MCTP2: variants seen among roughly 807,000 people sequenced by gnomAD.
MCTP2 encodes multiple C2 and transmembrane domain-containing protein 2.
A neutral mutation model predicts 111.6 loss-of-function variants in MCTP2; 132 were observed. That is an observed-to-expected ratio of 1.18 (90% CI 1.03 to 1.37). MCTP2 has a LOEUF of 1.37. MCTP2 is among the 40% of genes most tolerant of loss of function. The pLI is 0.00. For synonymous variants in MCTP2, 395 were observed against 387.7 expected, an observed-to-expected ratio of 1.02 and a Z score of -0.22; for missense variants, 1,183 against 1,067.9, an observed-to-expected ratio of 1.11 and a Z score of -1.50.
intron 9 of MCTP2, 69 bp from the exon 10 acceptor site, chr15:94,358,413 T>C: frequency 1.1e-5 from 15 of 1,419,666 alleles, no homozygotes; most frequent in Non-Finnish European, 1.4e-5. Flanking sequence ...ATGATGAAAT[T>C]AATGTGTAGC....
chr15:94,346,781 TG>T (rs2078003884), intron 8 of MCTP2, among the ~76,000 whole-genome samples: 1 of 151,738 alleles, frequency 6.6e-6, no homozygotes, highest in Non-Finnish European at 1.5e-5. Flanking sequence ...AAACGAATGA[TG>T]GGGAGTAGAA....
intron 4 of MCTP2, among the ~76,000 whole-genome samples, chr15:94,316,130 A>G (rs976001588): frequency 1.3e-5 from 2 of 152,364 alleles, no homozygotes; most frequent in South Asian, 2.1e-4. Flanking sequence ...CTACCTAGCC[A>G]TAAATACATA....
chr15:94,237,948 A>G (rs1261147566), intron 1 of MCTP2, among the ~76,000 whole-genome samples: 2 of 152,218 alleles, frequency 1.3e-5, no homozygotes, highest in Non-Finnish European at 1.5e-5. Context: ...ACATTTATCT[A>G]TAGCCTGGAA....
intron 10 of MCTP2, among the ~76,000 whole-genome samples, chr15:94,367,348 A>C (rs2079243028): frequency 1.3e-5 from 2 of 151,080 alleles, no homozygotes; most frequent in African/African-American, 4.9e-5. Context: ...GCAAGGATCC[A>C]CTCCTCTCTT....
chr15:94,426,366 T>C (rs1256741059), intron 17 of MCTP2, among the ~76,000 whole-genome samples: 2 of 152,170 alleles, frequency 1.3e-5, no homozygotes, highest in Non-Finnish European at 2.9e-5. Context: ...ATACTTCTTA[T>C]TATTCTATTT....
chr15:94,253,394 C>G (rs940886171), intron 1 of MCTP2, among the ~76,000 whole-genome samples: 9 of 152,150 alleles, frequency 5.9e-5, no homozygotes, highest in African/African-American at 2.2e-4. Context: ...ATCTAGGCAA[C>G]TTAAACACCT....
intron 10 of MCTP2, among the ~76,000 whole-genome samples, chr15:94,362,836 A>C (rs1363605621): frequency 6.6e-6 from 1 of 152,234 alleles, no homozygotes; most frequent in African/African-American, 2.4e-5. Flanking sequence ...AAAACATTAA[A>C]ACGCTGTGGG....
rs2072312568 is a variant in MCTP2, at chr15:94,250,210, A to T, written c.-66+18546A>T. On this transcript the variant is annotated intron_variant, in intron 1 of 22. Transcript: ENST00000357742. Reference sequence around the variant, plus strand: ...TGGAGAATTCATTTTTAATGGCTGCATTAGTGAAAATGAGTGGCTCGTATT... The same window carrying T: ...TGGAGAATTCATTTTTAATGGCTGCTTTAGTGAAAATGAGTGGCTCGTATT... 1.3e-5 allele frequency among the ~76,000 whole-genome samples: 2 copies of T among 152,182 alleles called. 1 individual carries two copies. Among genetic ancestry groups the T allele is most frequent in the South Asian group, 4.1e-4 (2 of 4,834 alleles).
intron 1 of MCTP2, among the ~76,000 whole-genome samples, chr15:94,283,616 A>G (rs1010172816): frequency 4.4e-4 from 67 of 152,096 alleles, no homozygotes; most frequent in African/African-American, 1.6e-3. Context: ...ACTGCTTGGC[A>G]ACCCCATGTA....
intron 1 of MCTP2, among the ~76,000 whole-genome samples, chr15:94,239,310 C>A (rs1209683506): frequency 6.6e-6 from 1 of 152,098 alleles, no homozygotes; most frequent in Non-Finnish European, 1.5e-5. Context: ...CTGGAAATGA[C>A]CTTTGGGATC....
intron 1 of MCTP2, among the ~76,000 whole-genome samples, chr15:94,267,746 A>G (rs928918597): frequency 6.6e-6 from 1 of 151,398 alleles, no homozygotes; most frequent in African/African-American, 2.4e-5. Context: ...AGCACTTTGC[A>G]TTGTCAGGAT....
chr15:94,240,159 G>A (rs2070841060), intron 1 of MCTP2, among the ~76,000 whole-genome samples: 1 of 151,388 alleles, frequency 6.6e-6, no homozygotes, highest in South Asian at 2.1e-4. Context: ...ATTTTATTTT[G>A]TGTACTAGCT....
intron 17 of MCTP2, among the ~76,000 whole-genome samples, chr15:94,414,544 A>G (rs1021952380): frequency 6.6e-6 from 1 of 152,228 alleles, no homozygotes; most frequent in African/African-American, 2.4e-5. Flanking sequence ...CTGTGAGATT[A>G]GCAGTTGGAA....
At chr15:94,297,790 G>C (rs78229979) in intron 1 of MCTP2, among the ~76,000 whole-genome samples, 66 of 152,294 alleles carry the variant, frequency 4.3e-4, no homozygotes, top group African/African-American at 1.5e-3. Context: ...GAGACTGTTT[G>C]TTGACCTCCG....
At chr15:94,470,212 TTTTTCCAATA>T (rs1409612148) in intron 20 of MCTP2, 111 bp from the exon 21 acceptor site, 1 of 707,188 alleles carries the variant, frequency 1.4e-6, no homozygotes, top group African/African-American at 1.8e-5. Flanking sequence ...TTTAACAAAA[TTTTTCCAATA>T]GACTGTAAAA....
At chr15:94,371,991 T>A (rs1186864876) in intron 12 of MCTP2, among the ~76,000 whole-genome samples, 1 of 150,216 alleles carries the variant, frequency 6.7e-6, no homozygotes, top group African/African-American at 2.4e-5. Flanking sequence ...ACTATTAAAA[T>A]AGAGTGAATA....
chr15:94,440,417 G>A (rs2083714891), intron 18 of MCTP2, 119 bp downstream of exon 18: 2 of 1,243,688 alleles, frequency 1.6e-6, no homozygotes, highest in South Asian at 1.4e-5. Context: ...GAGCAGCCCT[G>A]CAAAGGCACT....
intron 9 of MCTP2, among the ~76,000 whole-genome samples, chr15:94,357,798 A>G (rs1202618088): frequency 3.9e-5 from 6 of 152,296 alleles, no homozygotes; most frequent in Middle Eastern, 3.4e-3. Flanking sequence ...TTTAATCTCT[A>G]TATAAAGGAA....
chr15:94,336,691 A>ATATATG (rs1555454770), intron 4 of MCTP2, among the ~76,000 whole-genome samples: 2 of 150,830 alleles, frequency 1.3e-5, no homozygotes, highest in African/African-American at 2.4e-5. Flanking sequence ...ATATATATAT[A>ATATATG]TATGTATGTA....
Sources: allele counts gnomAD v4.1 joint callset (sites outside exome capture counted in the v4.1 genomes callset), GRCh38; gene constraint gnomAD v4.1.1; transcripts MANE v1.5; gene names NCBI Gene and HGNC (gene_info 2026-07-23, HGNC 2026-07-21).